MOSMO: variants seen among roughly 807,000 people sequenced by gnomAD.
The protein encoded by MOSMO is modulator of smoothened, also known as modulator of smoothened protein.
In MOSMO, 5 loss-of-function variants were observed where a neutral mutation model predicts 18.4. That is an observed-to-expected ratio of 0.27 (90% CI 0.14 to 0.57). The LOEUF (loss-of-function observed/expected upper bound fraction) is 0.57, where lower values mean the gene tolerates loss of function less well. Ranked by LOEUF, MOSMO falls within the 20% of genes least tolerant of loss-of-function variation. The pLI is 0.92. For missense variants in MOSMO, 138 were observed against 211.8 expected (o/e 0.65, Z 2.16); for synonymous variants, 82 against 82.3 (o/e 1.00, Z 0.02).
intron 1 of MOSMO, among the ~76,000 whole-genome samples, chr16:22,028,984 G>A (rs1464683246): frequency 6.6e-6 from 1 of 152,116 alleles, no homozygotes; most frequent in Non-Finnish European, 1.5e-5. Context: ...CGATTCTCCT[G>A]CCTCAGCCTC....
chr16:22,024,812 T>C (rs1401565414), intron 1 of MOSMO, among the ~76,000 whole-genome samples: 1 of 152,130 alleles, frequency 6.6e-6, no homozygotes, highest in Non-Finnish European at 1.5e-5. Flanking sequence ...GACATTATAT[T>C]AAAGTGGCTA....
chr16:22,022,726 G>C (rs1299153383), intron 1 of MOSMO, among the ~76,000 whole-genome samples: 36 of 152,076 alleles, frequency 2.4e-4, no homozygotes, highest in Non-Finnish European at 5.9e-5. Context: ...GTAGTATTAG[G>C]CAGAGGGGAT....
intron 1 of MOSMO, among the ~76,000 whole-genome samples, chr16:22,035,408 T>TG (rs1202531271): frequency 6.6e-6 from 1 of 151,726 alleles, no homozygotes; most frequent in African/African-American, 2.4e-5. Flanking sequence ...TTTTTTTTTT[T>TG]TTTTTTAATC....
chr16:22,070,582 C>T (rs777039168), intron 1 of MOSMO, among the ~76,000 whole-genome samples: 76 of 152,144 alleles, frequency 5.0e-4, no homozygotes, highest in Non-Finnish European at 9.6e-4. Context: ...TAGGGCTCAG[C>T]CCCAGCCTAT....
Position 22,083,003 on chromosome 16 carries a change from C to A in MOSMO, c.*2123C>A, listed in dbSNP as rs1391633681. Reference sequence around the variant, plus strand: ...AGTTGCTATTCTGATTTGATTGGTCCTCAGTCAAATGGATCACTTTGAAGG... The same window carrying A: ...AGTTGCTATTCTGATTTGATTGGTCATCAGTCAAATGGATCACTTTGAAGG... On this transcript the variant is annotated 3_prime_UTR_variant, in exon 3 of 3. Transcript: ENST00000542527. 1 of 152,112 alleles carries A rather than the reference C, an allele frequency of 6.6e-6. No individual in the cohort carries two copies. Among genetic ancestry groups the A allele is most frequent in the Non-Finnish European group, 1.5e-5 (1 of 68,038 alleles). 9.4% of individuals were successfully genotyped at this position (152,112 alleles called of 1,614,324 possible). A position where few individuals can be genotyped will look rare whatever the true frequency, so the allele number is the denominator to read the frequency against.
chr16:22,045,775 G>T (rs1215498808), intron 1 of MOSMO, among the ~76,000 whole-genome samples: 1 of 152,046 alleles, frequency 6.6e-6, no homozygotes, highest in East Asian at 1.9e-4. Context: ...AATGAATTTA[G>T]GTGTCAGTAG....
chr16:22,040,981 A>G (rs1044131102), intron 1 of MOSMO, among the ~76,000 whole-genome samples: 1 of 152,136 alleles, frequency 6.6e-6, no homozygotes, highest in African/African-American at 2.4e-5. Flanking sequence ...CAAACAAACG[A>G]ACAAACAAAA....
chr16:22,090,740 T>A (rs1412134171), downstream of MOSMO, among the ~76,000 whole-genome samples: 1 of 152,182 alleles, frequency 6.6e-6, no homozygotes, highest in East Asian at 1.9e-4. Flanking sequence ...TCTGTTGTGC[T>A]CTGATGCTTT....
rs528601770 is a variant in MOSMO at position 22,046,091 on chromosome 16, T to C, written c.107-29396T>C. Among the ~76,000 whole-genome samples the C allele has an allele frequency of 3.7e-3, 525 of 142,204 alleles. 2 individuals carry two copies. Among genetic ancestry groups the C allele is most frequent in the African/African-American group, 0.013 (500 of 38,848 alleles). The allele number at this position is 142,204 out of a possible 152,430, so 93.3% of individuals were successfully genotyped here. On this transcript the variant is annotated intron_variant, in intron 1 of 2. Coordinates refer to ENST00000542527, the MANE Select transcript of MOSMO (RefSeq NM_001164579.2). The stretch of plus-strand genomic sequence containing the variant: ...CCCTTCCTGTGTCCATGTGTTCTCA[T>C]TGTTCAATTCCTGGCCATATCATCA...
intron 1 of MOSMO, among the ~76,000 whole-genome samples, chr16:22,015,127 C>G (rs1899611282): frequency 1.3e-5 from 2 of 152,180 alleles, no homozygotes; most frequent in Non-Finnish European, 2.9e-5. Flanking sequence ...CTAGGCAACC[C>G]CTAATATGCT....
At chr16:22,067,303 C>G (rs1413217612) in intron 1 of MOSMO, among the ~76,000 whole-genome samples, 1 of 152,006 alleles carries the variant, frequency 6.6e-6, no homozygotes, top group African/African-American at 2.4e-5. Flanking sequence ...GAAAGAATGT[C>G]TAGAAAAACA....
chr16:22,076,192 C>A (rs979267135), intron 2 of MOSMO: 1 of 166,626 alleles, frequency 6.0e-6, no homozygotes, highest in Non-Finnish European at 1.3e-5. Flanking sequence ...ATTTCTTACT[C>A]CATTAAGCTC....
chr16:22,043,732 T>C (rs1900253327), intron 1 of MOSMO, among the ~76,000 whole-genome samples: 1 of 152,214 alleles, frequency 6.6e-6, no homozygotes, highest in Non-Finnish European at 1.5e-5. Context: ...TGATAAAGTC[T>C]AGGTGGTTCT....
intron 1 of MOSMO, among the ~76,000 whole-genome samples, chr16:22,067,978 A>C (rs887091468): frequency 1.3e-5 from 2 of 152,216 alleles, no homozygotes; most frequent in African/African-American, 2.4e-5. Context: ...ACATTTCAAG[A>C]TAAACAGAAA....
chr16:22,038,433 T>A (rs564694807), intron 1 of MOSMO, among the ~76,000 whole-genome samples: 1 of 152,072 alleles, frequency 6.6e-6, no homozygotes, highest in East Asian at 1.9e-4. Flanking sequence ...CCAAAGTTGA[T>A]AGATCAAGGA....
At chr16:22,028,687 A>G (rs1208889221) in intron 1 of MOSMO, among the ~76,000 whole-genome samples, 1 of 152,058 alleles carries the variant, frequency 6.6e-6, no homozygotes, top group Non-Finnish European at 1.5e-5. Flanking sequence ...ATTATATGTA[A>G]TCTACTCAGT....
intron 1 of MOSMO, among the ~76,000 whole-genome samples, chr16:22,041,313 T>G (rs891250375): frequency 6.6e-6 from 1 of 152,086 alleles, no homozygotes; most frequent in Non-Finnish European, 1.5e-5. Context: ...AAGCATAGTT[T>G]AGAGAGAGAG....
At chr16:22,012,245 G>C (rs558793686) in intron 1 of MOSMO, among the ~76,000 whole-genome samples, 3 of 152,130 alleles carry the variant, frequency 2.0e-5, no homozygotes, top group Non-Finnish European at 4.4e-5. Flanking sequence ...ACTACTAAGG[G>C]AAAGTTTCAG....
intron 1 of MOSMO, among the ~76,000 whole-genome samples, chr16:22,073,398 C>T (rs1900898509): frequency 6.6e-6 from 1 of 152,104 alleles, no homozygotes; most frequent in African/African-American, 2.4e-5. Flanking sequence ...ATAAATGGAA[C>T]AGTGACTAGA....
Sources: allele counts gnomAD v4.1 joint callset (sites outside exome capture counted in the v4.1 genomes callset), GRCh38; gene constraint gnomAD v4.1.1; transcripts MANE v1.5; gene names NCBI Gene and HGNC (gene_info 2026-07-23, HGNC 2026-07-21).